IL4I1: variants seen among roughly 807,000 people sequenced by gnomAD.
IL4I1 encodes L-amino-acid oxidase.
IL4I1 carries 24 observed loss-of-function variants against 29.7 expected under a neutral mutation model. The observed-to-expected ratio is 0.81, with a 90% CI of 0.59 to 1.14. The LOEUF (loss-of-function observed/expected upper bound fraction) is 1.14, where lower values mean the gene tolerates loss of function less well. Ranked by LOEUF, IL4I1 falls within the 50% of genes most tolerant of loss-of-function variation. IL4I1 has a pLI of 0.00. For missense variants in IL4I1, 686 were observed against 785.6 expected (o/e 0.87, Z 1.52); for synonymous variants, 371 against 352.5 (o/e 1.05, Z -0.59).
chr19:49,915,561 T>C (rs972917279), intron 2 of IL4I1, among the ~76,000 whole-genome samples: 3 of 152,220 alleles, frequency 2.0e-5, no homozygotes, highest in African/African-American at 7.2e-5. Flanking sequence ...AACCACTACA[T>C]TTGTGATGAC....
intron 2 of IL4I1, among the ~76,000 whole-genome samples, chr19:49,906,670 A>G (rs2075329401): frequency 6.6e-6 from 1 of 152,218 alleles, no homozygotes; most frequent in Non-Finnish European, 1.5e-5. Flanking sequence ...ATCAAACAAA[A>G]GCTGCTTCAT....
chr19:49,896,277 G>A (rs902929115), intron 1 of IL4I1, 95 bp from the exon 2 acceptor site: 49 of 1,396,024 alleles, frequency 3.5e-5, no homozygotes, highest in African/African-American at 5.9e-5. Context: ...TGCTAGAGCC[G>A]GCCCTCCCCC....
intron 2 of IL4I1, chr19:49,907,582 G>A (rs1413287091): frequency 1.7e-5 from 7 of 413,934 alleles, no homozygotes; most frequent in Non-Finnish European, 3.2e-5. Context: ...TGTTGCCTAG[G>A]CTGGAGTGCA....
At position 49,890,327 on chromosome 19, in the gene IL4I1, G is replaced by C. The variant is rs1477653032; in HGVS notation, c.1047C>G (p.Tyr349Ter). The C allele has an allele frequency of 6.2e-7, 1 of 1,607,864 alleles. No individual in the cohort carries two copies. Among genetic ancestry groups the C allele is most frequent in the African/African-American group, 1.3e-5 (1 of 74,830 alleles). ...TTAGGAACACCTTGGTGGCCGGCAC[G>C]TAGTGCAGCCTCCGCAGCGCCTCCT... ...HMQEALRRLHYVPATKVFLSF... is the reference protein window; with the variant it reads ...HMQEALRRLH Residue 349 changes from tyrosine to a stop codon, truncating the protein, a stop_gained, in exon 8 of 8, where the codon TAC (tyrosine) becomes TAG (stop). Coordinates refer to ENST00000391826, the MANE Select transcript of IL4I1 (RefSeq NM_152899.2). LOFTEE classifies it low-confidence loss of function (END_TRUNC).
chr19:49,895,698 T>TGCCCCCCCAAACCCCCCCCCCC, intron 3 of IL4I1, 117 bp downstream of exon 3: 1 of 705,418 alleles, frequency 1.4e-6, no homozygotes, highest in African/African-American at 1.8e-5. Flanking sequence ...AGATAGCCTC[T>TGCCCCCCCAAACCCCCCCCCCC]CCCCCCACAT....
At chr19:49,914,219 C>T (rs765824013) in intron 2 of IL4I1, among the ~76,000 whole-genome samples, 7 of 152,164 alleles carry the variant, frequency 4.6e-5, no homozygotes, top group Non-Finnish European at 1.0e-4. Context: ...CAAACTATTA[C>T]GAGCTCTGAT....
intron 2 of IL4I1, among the ~76,000 whole-genome samples, chr19:49,915,640 T>C (rs1429252993): frequency 6.6e-6 from 1 of 152,116 alleles, no homozygotes; most frequent in Admixed American, 6.5e-5. Context: ...CAGAATGAAA[T>C]CTAGATAGGT....
At chr19:49,924,755 C>A (rs889069179) in intron 2 of IL4I1, among the ~76,000 whole-genome samples, 1 of 152,170 alleles carries the variant, frequency 6.6e-6, no homozygotes, top group African/African-American at 2.4e-5. Flanking sequence ...CTGGGAGGGG[C>A]TGGAGAGCTA....
chr19:49,894,080 C>T (rs1336044592), intron 5 of IL4I1, among the ~76,000 whole-genome samples, 188 bp downstream of exon 5: 1 of 151,140 alleles, frequency 6.6e-6, no homozygotes, highest in Non-Finnish European at 1.5e-5. Context: ...TCTCGGATTT[C>T]AGTGAGTAGG....
chr19:49,922,745 T>C (rs1033854322), intron 2 of IL4I1, among the ~76,000 whole-genome samples: 7 of 150,656 alleles, frequency 4.6e-5, no homozygotes, highest in Non-Finnish European at 1.0e-4. Context: ...GCTTCTCCCG[T>C]GAAACCAGCA....
chr19:49,889,804 T>C lies in IL4I1; in HGVS notation c.1570A>G (p.Met524Val), dbSNP rs113830574. 1,860 of 1,547,798 alleles carry C rather than the reference T, an allele frequency of 1.2e-3. 20 individuals are homozygous for C. In the African/African-American group the frequency reaches 0.022, roughly 19 times the overall value. The part of the protein sequence containing the change: ...TASPEGHASD[M>V]EGQGHVHGVA... Reference sequence around the variant, plus strand: ...CCATGCACATGCCCCTGCCCCTCCATGTCAGATGCGTGCCCCTCGGGGCTG... The same window carrying C: ...CCATGCACATGCCCCTGCCCCTCCACGTCAGATGCGTGCCCCTCGGGGCTG... The change falls in exon 8 of 8, where the codon ATG (methionine) becomes GTG (valine). Residue 524 changes from methionine (M) to valine (V), a missense_variant. Met to Val is a conservative substitution (Grantham distance 21, BLOSUM62 1). Transcript: ENST00000391826.
At position 49,889,751 on chromosome 19, in the gene IL4I1, C is replaced by T. The variant is rs992542706; in HGVS notation, c.1623G>A (p.Leu541=). The T allele has an allele frequency of 6.6e-7, 1 of 1,519,718 alleles. No individual in the cohort carries two copies. Among genetic ancestry groups the T allele is most frequent in the Middle Eastern group, 1.8e-4 (1 of 5,608 alleles). 94.1% of individuals were successfully genotyped at this position (1,519,718 alleles called of 1,614,324 possible). ...GAGGGTGGCTGCCTTCTTCCTTTGC[C>T]AGGTCATGCGAGGGGCTGCTGGCCA... is the stretch of plus-strand genomic sequence containing the variant. The part of the protein sequence containing the change: ...HGVASSPSHD[L]AKEEGSHPPV... Residue 541 remains leucine, a synonymous_variant, in exon 8 of 8, where the codon CTG becomes CTA. Transcript: ENST00000391826.
chr19:49,894,526 T>C, intron 4 of IL4I1, 57 bp from the exon 5 acceptor site: 1 of 1,439,956 alleles, frequency 6.9e-7, no homozygotes, highest in Non-Finnish European at 9.6e-7. Context: ...GCCTGGTCCC[T>C]AGTGGGACTT....
rs921286688 is a variant in IL4I1, at chr19:49,921,368, A to C, written c.-228+6326T>G. Among the ~76,000 whole-genome samples the C allele has an allele frequency of 3.3e-5, 5 of 151,608 alleles. No homozygotes were observed. Among genetic ancestry groups the C allele is most frequent in the Non-Finnish European group, 7.4e-5 (5 of 67,902 alleles). On this transcript the variant is annotated intron_variant, in intron 2 of 9. Coordinates refer to the IL4I1 transcript ENST00000341114. The surrounding 1 kb of genome is among the most constrained non-coding windows in gnomAD (Gnocchi z 5.4). ...TTTGCTCCCCACTGCCACCACCATC[A>C]CCGTCCCCTGCCTCATCCAGTCCCC...
At chr19:49,899,460 C>T (rs1469206739), upstream of IL4I1, among the ~76,000 whole-genome samples, 1 of 152,130 alleles carries the variant, frequency 6.6e-6, no homozygotes, top group East Asian at 1.9e-4. Flanking sequence ...TCTCGGCTCA[C>T]TGCAGCCTCA....
At chr19:49,923,803 G>A (rs2075819996) in intron 2 of IL4I1, among the ~76,000 whole-genome samples, 2 of 152,374 alleles carry the variant, frequency 1.3e-5, no homozygotes, top group African/African-American at 4.8e-5. Context: ...CAGAAGTGGT[G>A]GAGTTGGGGT....
rs746274372 is a variant in IL4I1, at chr19:49,908,364, T to A, written c.-227-4043A>T. On this transcript the variant is annotated intron_variant, in intron 2 of 9. Coordinates refer to the IL4I1 transcript ENST00000341114. ...TGGTCGATCCACTGCAGTGAGTCCA[T>A]GTGCGCATTGAGGATCTTGCAGATC... The A allele has an allele frequency of 2.2e-5, 35 of 1,614,204 alleles. No homozygotes were observed. The highest frequency in any genetic ancestry group is 2.9e-5 in the Non-Finnish European group (34 of 1,180,040).
chr19:49,899,864 T>C (rs907305315), upstream of IL4I1, among the ~76,000 whole-genome samples: 2 of 152,052 alleles, frequency 1.3e-5, no homozygotes, highest in Non-Finnish European at 2.9e-5. Context: ...CACACCTGGC[T>C]AATTTCTGTG....
intron 5 of IL4I1, among the ~76,000 whole-genome samples, chr19:49,893,372 T>G (rs2075163096): frequency 1.4e-5 from 2 of 140,004 alleles, no homozygotes; most frequent in Admixed American, 7.3e-5. Context: ...GGGTGGGCAC[T>G]GATGGTGGGG....
Sources: allele counts gnomAD v4.1 joint callset (sites outside exome capture counted in the v4.1 genomes callset), GRCh38; gene constraint gnomAD v4.1.1; non-coding constraint Gnocchi (gnomAD v3.1); transcripts MANE v1.5; gene names NCBI Gene and HGNC (gene_info 2026-07-23, HGNC 2026-07-21).